The following CPQ variants were observed in gnomAD, a reference collection of about 807,000 sequenced individuals.
The protein encoded by CPQ is carboxypeptidase Q, also known as Ser-Met dipeptidase.
CPQ carries 37 observed loss-of-function variants against 45.7 expected under a neutral mutation model. The ratio of observed to expected loss-of-function variants is 0.81; its 90% CI spans 0.62 to 1.07. The LOEUF (loss-of-function observed/expected upper bound fraction) is 1.07, where lower values mean the gene tolerates loss of function less well. Ranked by LOEUF, CPQ falls within the 50% of genes least tolerant of loss-of-function variation. The probability of loss-of-function intolerance (pLI) is 0.00; values close to 1 mark genes in which losing one functional copy is unlikely to be tolerated. For missense variants in CPQ, 537 were observed against 572.9 expected (o/e 0.94, Z 0.64); for synonymous variants, 186 against 205.8 (o/e 0.90, Z 0.82).
intron 7 of CPQ, among the ~76,000 whole-genome samples, chr8:97,134,507 T>C (rs1355251987): frequency 6.6e-6 from 1 of 152,226 alleles, no homozygotes; most frequent in East Asian, 1.9e-4. Context: ...GCCATTCATC[T>C]TCTGCCCACT....
chr8:97,078,454 T>C (rs1359770211), intron 7 of CPQ, among the ~76,000 whole-genome samples: 1 of 152,210 alleles, frequency 6.6e-6, no homozygotes, highest in East Asian at 1.9e-4. Context: ...ACTAATTATA[T>C]GATATTTCCA....
At chr8:96,850,319 T>C (rs1586425648) in intron 3 of CPQ, among the ~76,000 whole-genome samples, 1 of 152,142 alleles carries the variant, frequency 6.6e-6, no homozygotes, top group Admixed American at 6.5e-5. Context: ...TGCCTGGCCT[T>C]CCTCTGGGGC....
At chr8:97,015,750 T>A (rs1417681498) in intron 5 of CPQ, among the ~76,000 whole-genome samples, 1 of 152,132 alleles carries the variant, frequency 6.6e-6, no homozygotes, top group African/African-American at 2.4e-5. Context: ...TTTTAAGAAC[T>A]TGTCCCAAGA....
At chr8:97,134,790 A>G (rs1409454990) in intron 7 of CPQ, among the ~76,000 whole-genome samples, 1 of 152,188 alleles carries the variant, frequency 6.6e-6, no homozygotes, top group Non-Finnish European at 1.5e-5. Context: ...ACAAGTTACT[A>G]AAATCTATTT....
At chr8:96,753,095 A>T (rs965303488) in intron 1 of CPQ, among the ~76,000 whole-genome samples, 5 of 152,058 alleles carry the variant, frequency 3.3e-5, no homozygotes, top group Non-Finnish European at 7.4e-5. Flanking sequence ...GTGAAGTGAG[A>T]CCACAAGTTG....
Position 96,787,525 on chromosome 8 carries a change from C to CTTT in CPQ, c.433+2223_433+2225dup, listed in dbSNP as rs71267281. Reference sequence around the variant, plus strand: ...TTGTAGTTTCATTTTCTTATAATGTCTTTTTTTTTTTTTTTTTTTTTTTTT... The same window carrying CTTT: ...TTGTAGTTTCATTTTCTTATAATGTCTTTTTTTTTTTTTTTTTTTTTTTTTTTT... On this transcript the variant is annotated intron_variant, in intron 2 of 7. Transcript: ENST00000220763. 2.9e-4 allele frequency among the ~76,000 whole-genome samples: 14 copies of CTTT among 47,586 alleles called. 2 individuals are homozygous for CTTT. The highest frequency in any genetic ancestry group is 6.4e-4 in the African/African-American group (8 of 12,404). The allele number at this position is 47,586 out of a possible 152,430, so 31.2% of individuals were successfully genotyped here.
chr8:96,729,678 C>T (rs1179056611), intron 1 of CPQ, among the ~76,000 whole-genome samples: 1 of 152,022 alleles, frequency 6.6e-6, no homozygotes, highest in Non-Finnish European at 1.5e-5. Context: ...TTAAAAATGA[C>T]AATTTTCTGC....
At chr8:97,126,073 G>A (rs1811841730) in intron 7 of CPQ, among the ~76,000 whole-genome samples, 1 of 152,114 alleles carries the variant, frequency 6.6e-6, no homozygotes, top group Admixed American at 6.5e-5. Flanking sequence ...ATTCAGGGAG[G>A]TAAAGGAAGA....
chr8:96,764,095 A>G (rs1810439069), intron 1 of CPQ, among the ~76,000 whole-genome samples: 1 of 152,182 alleles, frequency 6.6e-6, no homozygotes, highest in Non-Finnish European at 1.5e-5. Context: ...TTGTTATAGG[A>G]GTTTTACTTG....
chr8:96,749,260 A>G (rs1810228581), intron 1 of CPQ, among the ~76,000 whole-genome samples: 1 of 152,246 alleles, frequency 6.6e-6, no homozygotes, highest in South Asian at 2.1e-4. Flanking sequence ...GTACCCATTT[A>G]GCGATGACAG....
rs1220970140 is a variant in CPQ, at chr8:96,732,902, A to AT, written c.-34-51954dup. On this transcript the variant is annotated intron_variant, in intron 1 of 7. Transcript: ENST00000220763. Reference sequence around the variant, plus strand: ...ATTTCGTATTCTGAAGAAAATTTCTATTTTTTTTAAATGTTTCAATGTTAG... The same window carrying AT: ...ATTTCGTATTCTGAAGAAAATTTCTATTTTTTTTTAAATGTTTCAATGTTAG... 3.9e-5 allele frequency among the ~76,000 whole-genome samples: 6 copies of AT among 151,950 alleles called. No individual in the cohort carries two copies. In the South Asian group the frequency reaches 6.2e-4, roughly 16 times the overall value.
chr8:97,095,108 A>G (rs1051007192), intron 7 of CPQ, among the ~76,000 whole-genome samples: 1 of 151,980 alleles, frequency 6.6e-6, no homozygotes, highest in Admixed American at 6.6e-5. Flanking sequence ...ATATGCTAGG[A>G]TCTCATCCTT....
chr8:97,107,287 A>G (rs1248995112), intron 7 of CPQ, among the ~76,000 whole-genome samples: 9 of 152,262 alleles, frequency 5.9e-5, no homozygotes, highest in African/African-American at 1.9e-4. Context: ...GCAGATTCCA[A>G]TTTAGAATTA....
chr8:96,665,307 ATACTAT>A (rs1005585138), intron 1 of CPQ, among the ~76,000 whole-genome samples: 1 of 152,206 alleles, frequency 6.6e-6, no homozygotes, highest in Non-Finnish European at 1.5e-5. Flanking sequence ...GTTACATATG[ATACTAT>A]TACTAAGTGA....
chr8:96,692,231 G>A (rs1322461517), intron 1 of CPQ, among the ~76,000 whole-genome samples: 1 of 152,188 alleles, frequency 6.6e-6, no homozygotes, highest in Admixed American at 6.5e-5. Flanking sequence ...ATTACAGTAG[G>A]CTTTCAGTAG....
chr8:97,127,596 C>T lies in CPQ; in HGVS notation c.1256-15424C>T, dbSNP rs899609062. On this transcript the variant is annotated intron_variant, in intron 7 of 7. Transcript: ENST00000220763. ...CCCAGCTACTCAGGAGGCTGAGGCA[C>T]GGGAATTACTTGAACCTGGGAAGTG... is the stretch of plus-strand genomic sequence containing the variant. Among the ~76,000 whole-genome samples the T allele has an allele frequency of 2.6e-5, 4 of 151,848 alleles. No homozygotes were observed. In the East Asian group the frequency reaches 5.8e-4, roughly 22 times the overall value.
At chr8:96,747,848 G>C (rs1042101738) in intron 1 of CPQ, among the ~76,000 whole-genome samples, 2 of 152,158 alleles carry the variant, frequency 1.3e-5, no homozygotes, top group African/African-American at 4.8e-5. Context: ...TTGTTTATCT[G>C]CCTTTTGACA....
rs1421362855 is a variant in CPQ at position 96,926,580 on chromosome 8, T to TC, written c.850-39354dup. Among the ~76,000 whole-genome samples the TC allele has an allele frequency of 1.4e-3, 135 of 95,624 alleles. No homozygotes were observed. The Middle Eastern group carries it at 0.016, about 11-fold the overall frequency. The allele number at this position is 95,624 out of a possible 152,430, so 62.7% of individuals were successfully genotyped here. ...TTCCTCTTCCTCTTCCTCTTCCTCT[T>TC]CTTCTTCTTCTTCTTCTTCTTCTTC... On this transcript the variant is annotated intron_variant, in intron 4 of 7. Transcript: ENST00000220763.
chr8:96,748,815 A>C (rs1810223299), intron 1 of CPQ, among the ~76,000 whole-genome samples: 1 of 152,160 alleles, frequency 6.6e-6, no homozygotes, highest in South Asian at 2.1e-4. Context: ...CCATTTATGG[A>C]GCACTGGTGT....
Sources: gnomAD v4.1 joint callset for allele counts (sites outside exome capture counted in the v4.1 genomes callset) on GRCh38, gnomAD v4.1.1 for gene constraint, MANE v1.5 for transcripts, NCBI Gene and HGNC (gene_info 2026-07-23, HGNC 2026-07-21) for gene names.